Variants in EDIL3 observed in about 807,000 individuals in gnomAD.
The protein encoded by EDIL3 is EGF-like repeat and discoidin I-like domain-containing protein 3.
A neutral mutation model predicts 67.4 loss-of-function variants in EDIL3; 37 were observed. The ratio of observed to expected loss-of-function variants is 0.55; its 90% confidence interval spans 0.42 to 0.72. The LOEUF (loss-of-function observed/expected upper bound fraction) is 0.72. EDIL3 is among the 30% of genes least tolerant of loss of function. The pLI is 0.00. For synonymous variants in EDIL3, 195 were observed against 196.3 expected, an observed-to-expected ratio of 0.99 and a Z score of 0.05; for missense variants, 527 against 586.3, an observed-to-expected ratio of 0.90 and a Z score of 1.04.
Position 84,055,284 on chromosome 5 carries a change from C to T in EDIL3, c.1137+5016G>A, listed in dbSNP as rs1403278523. Among the ~76,000 whole-genome samples, 3 of 146,426 alleles carry T rather than the reference C, an allele frequency of 2.0e-5. 1 individual carries two copies. Among genetic ancestry groups the T allele is most frequent in the African/African-American group, 8.1e-5 (3 of 37,240 alleles). ...TAGAAAGCTGAAACTGGATCCCTTC[C>T]TCGCACCTTATAAAAAATTAATTCA... On this transcript the variant is annotated intron_variant, in intron 9 of 10. Transcript: ENST00000296591.
At chr5:84,237,496 A>G (rs1219240216) in intron 2 of EDIL3, among the ~76,000 whole-genome samples, 1 of 152,138 alleles carries the variant, frequency 6.6e-6, no homozygotes, top group East Asian at 1.9e-4. Context: ...CCACAAGCAG[A>G]ATTTTGAAGT....
chr5:84,287,601 G>A (rs1745833657), intron 1 of EDIL3, among the ~76,000 whole-genome samples: 1 of 152,088 alleles, frequency 6.6e-6, no homozygotes, highest in African/African-American at 2.4e-5. Context: ...CTGTACTATG[G>A]AAGGACACAT....
intron 9 of EDIL3, among the ~76,000 whole-genome samples, chr5:84,020,076 C>CAAA (rs9293362): frequency 0.18 from 22,469 of 128,022 alleles, 2,689 homozygotes; most frequent in East Asian, 0.27. Flanking sequence ...ATCTTTTGTA[C>CAAA]AAAAAAAAAA....
rs138864093 is a variant in EDIL3 at position 84,151,168 on chromosome 5, C to T, written c.356-13814G>A. Among the ~76,000 whole-genome samples the T allele has an allele frequency of 1.4e-4, 22 of 151,832 alleles. No individual in the cohort carries two copies. The East Asian group carries it at 3.5e-3, about 24-fold the overall frequency. ...TTTTAAATTTGTGTATTTTATTCTG[C>T]GCTAATTATACTCCAATAAAACCTT... On this transcript the variant is annotated intron_variant, in intron 4 of 10. Coordinates refer to ENST00000296591, the MANE Select transcript of EDIL3 (RefSeq NM_005711.5).
At chr5:84,087,853 C>A (rs1304152842) in intron 6 of EDIL3, among the ~76,000 whole-genome samples, 1 of 151,866 alleles carries the variant, frequency 6.6e-6, no homozygotes, top group South Asian at 2.1e-4. Context: ...CAGCAATTGG[C>A]ACATGGGAAA....
chr5:84,179,990 G>A (rs539126205), intron 4 of EDIL3, among the ~76,000 whole-genome samples: 3 of 144,254 alleles, frequency 2.1e-5, no homozygotes, highest in Non-Finnish European at 4.5e-5. Flanking sequence ...TAAGGGCAGG[G>A]TGGCAGTTTT....
intron 4 of EDIL3, among the ~76,000 whole-genome samples, chr5:84,167,154 A>G (rs895550899): frequency 6.6e-6 from 1 of 152,072 alleles, no homozygotes; most frequent in Non-Finnish European, 1.5e-5. Flanking sequence ...TAGAGTCAGC[A>G]AAATCATTAG....
At chr5:84,181,445 T>C (rs1165198256) in intron 3 of EDIL3, among the ~76,000 whole-genome samples, 1 of 152,206 alleles carries the variant, frequency 6.6e-6, no homozygotes, top group South Asian at 2.1e-4. Context: ...AAACATTCTG[T>C]ACTCTGAGGT....
intron 9 of EDIL3, among the ~76,000 whole-genome samples, chr5:84,023,956 ATAAT>A (rs1745767715): frequency 6.6e-6 from 1 of 152,196 alleles, no homozygotes; most frequent in Non-Finnish European, 1.5e-5. Flanking sequence ...TTAAATTTGA[ATAAT>A]TAATTTTAAT....
chr5:84,257,610 G>C (rs1395581535), intron 1 of EDIL3, among the ~76,000 whole-genome samples: 1 of 152,118 alleles, frequency 6.6e-6, no homozygotes, highest in Non-Finnish European at 1.5e-5. Flanking sequence ...CTGGATGATT[G>C]AGTAGCCATC....
At chr5:84,341,124 C>T (rs1038706666) in intron 1 of EDIL3, among the ~76,000 whole-genome samples, 6 of 152,026 alleles carry the variant, frequency 3.9e-5, no homozygotes, top group Non-Finnish European at 8.8e-5. Context: ...TAATGTTTAT[C>T]TTGCCTGATG....
At chr5:84,029,896 A>G (rs1245751987) in intron 9 of EDIL3, among the ~76,000 whole-genome samples, 2 of 152,228 alleles carry the variant, frequency 1.3e-5, no homozygotes, top group African/African-American at 2.4e-5. Context: ...TAATGATACC[A>G]TATTCTATTT....
Position 83,971,723 on chromosome 5 carries a change from G to A in EDIL3, c.1138-8363C>T, listed in dbSNP as rs375150035. Among the ~76,000 whole-genome samples the A allele has an allele frequency of 2.6e-4, 39 of 151,932 alleles. No individual in the cohort carries two copies. The South Asian group carries it at 7.9e-3, about 31-fold the overall frequency. On this transcript the variant is annotated intron_variant, in intron 9 of 10. Transcript: ENST00000296591. ...TGAAATGACAGAGAAGAGTCCTGGT[G>A]TTTGTCACATGCCAGTCATATAAGC...
intron 1 of EDIL3, among the ~76,000 whole-genome samples, chr5:84,264,090 G>A (rs144631639): frequency 2.0e-3 from 301 of 152,074 alleles, no homozygotes; most frequent in African/African-American, 6.9e-3. Context: ...TACTAAAAAT[G>A]CAAAAATTAG....
chr5:84,230,944 A>G (rs1339376413), intron 2 of EDIL3, among the ~76,000 whole-genome samples: 1 of 152,214 alleles, frequency 6.6e-6, no homozygotes, highest in Non-Finnish European at 1.5e-5. Context: ...ACACATAGAC[A>G]TTATAAAAGA....
At chr5:84,336,522 G>A (rs1049185395) in intron 1 of EDIL3, among the ~76,000 whole-genome samples, 3 of 152,110 alleles carry the variant, frequency 2.0e-5, no homozygotes, top group Admixed American at 2.0e-4. Flanking sequence ...AAGAAATCAC[G>A]GGATTCTGGA....
intron 9 of EDIL3, among the ~76,000 whole-genome samples, chr5:84,039,722 C>G (rs920518619): frequency 2.0e-5 from 3 of 152,008 alleles, no homozygotes; most frequent in African/African-American, 7.2e-5. Flanking sequence ...TTCAGATAAA[C>G]TACATTTTTT....
At chr5:84,111,232 T>C (rs1316019920) in intron 5 of EDIL3, among the ~76,000 whole-genome samples, 2 of 152,200 alleles carry the variant, frequency 1.3e-5, no homozygotes, top group Non-Finnish European at 2.9e-5. Context: ...AACTATTTTC[T>C]TCATAAATTA....
chr5:83,989,353 T>C (rs1745109614), intron 9 of EDIL3, among the ~76,000 whole-genome samples: 1 of 152,150 alleles, frequency 6.6e-6, no homozygotes, highest in Non-Finnish European at 1.5e-5. Flanking sequence ...CTCTTCCCAA[T>C]GTCCAAATGT....
Sources: gnomAD v4.1 joint callset for allele counts (sites outside exome capture counted in the v4.1 genomes callset) on GRCh38, gnomAD v4.1.1 for gene constraint, MANE v1.5 for transcripts, NCBI Gene and HGNC (gene_info 2026-07-23, HGNC 2026-07-21) for gene names.